The following LRTM1 variants were observed in gnomAD, a reference collection of about 807,000 sequenced individuals.
The protein encoded by LRTM1 is leucine rich repeat transmembrane protein 1.
LRTM1 carries 38 observed loss-of-function variants against 32.4 expected under a neutral mutation model. The observed-to-expected ratio is 1.17, with a 90% CI of 0.91 to 1.54. LRTM1 has a LOEUF of 1.54. LRTM1 is among the 40% of genes most tolerant of loss of function. The pLI is 0.00. For missense variants in LRTM1, 466 were observed against 415.4 expected, an observed-to-expected ratio of 1.12 and a Z score of -1.06; for synonymous variants, 186 against 169.9, an observed-to-expected ratio of 1.09 and a Z score of -0.74.
intron 1 of LRTM1, among the ~76,000 whole-genome samples, chr3:54,958,921 T>C (rs1183636060): frequency 6.6e-6 from 1 of 151,788 alleles, no homozygotes; most frequent in African/African-American, 2.4e-5. Flanking sequence ...CTGGGCAACA[T>C]GGCAAAACCC....
At chr3:54,941,048 G>A (rs752578056) in intron 1 of LRTM1, among the ~76,000 whole-genome samples, 2 of 152,290 alleles carry the variant, frequency 1.3e-5, no homozygotes, top group Non-Finnish European at 2.9e-5. Flanking sequence ...CTTTTCTCCA[G>A]TGATTAAAGC....
rs893985858 is a variant in LRTM1, at chr3:54,955,727, G to A, written c.-222+11201C>T. Reference sequence around the variant, plus strand: ...CTCTCCCCTGAGGCCTCTGTCTACCGAGGGGGCTTTTTTGGGTATTGGCCC... The same window carrying A: ...CTCTCCCCTGAGGCCTCTGTCTACCAAGGGGGCTTTTTTGGGTATTGGCCC... On this transcript the variant is annotated intron_variant, in intron 1 of 2. Transcript: ENST00000493075. Among the ~76,000 whole-genome samples, 8 of 152,206 alleles carry A rather than the reference G, an allele frequency of 5.3e-5. No individual in the cohort carries two copies. In the East Asian group the frequency reaches 9.7e-4, roughly 18 times the overall value.
intron 1 of LRTM1, among the ~76,000 whole-genome samples, chr3:54,949,585 C>T (rs189272542): frequency 6.6e-6 from 1 of 152,292 alleles, no homozygotes; most frequent in East Asian, 1.9e-4. Flanking sequence ...ACCCAAGGGG[C>T]AGCACTGGAA....
intron 1 of LRTM1, among the ~76,000 whole-genome samples, chr3:54,934,221 A>G (rs1373958122): frequency 6.6e-6 from 1 of 152,204 alleles, no homozygotes; most frequent in Non-Finnish European, 1.5e-5. Context: ...AGTTGTATTC[A>G]TTTTATGCCC....
At chr3:54,927,092 G>A (rs1701043862) in intron 1 of LRTM1, among the ~76,000 whole-genome samples, 1 of 152,180 alleles carries the variant, frequency 6.6e-6, no homozygotes, top group Admixed American at 6.5e-5. Context: ...TACTCAAAGT[G>A]GAAGCTCTTG....
In LRTM1 at chr3:54,966,743, C is replaced by T. The variant is rs138121654; in HGVS notation, c.-222+185G>A. Among the ~76,000 whole-genome samples the T allele has an allele frequency of 8.1e-4, 123 of 152,192 alleles. No individual in the cohort carries two copies. In the Middle Eastern group the frequency reaches 0.014, roughly 17 times the overall value. ...CTGAGGCATGAGAATCACTTGAACC[C>T]GGGAAGCAGAGGTTGCAGTGAGCTG... is the stretch of plus-strand genomic sequence containing the variant. On this transcript the variant is annotated intron_variant, in intron 1 of 2. Coordinates refer to the LRTM1 transcript ENST00000493075.
upstream of LRTM1, among the ~76,000 whole-genome samples, chr3:54,930,685 C>A (rs9878841): frequency 2.5e-3 from 386 of 152,358 alleles, 2 homozygotes; most frequent in African/African-American, 9.1e-3. Flanking sequence ...AAATCCCAGG[C>A]TCTCTGAGCA....
At chr3:54,928,478 G>A (rs1458461431), upstream of LRTM1, among the ~76,000 whole-genome samples, 21 of 152,274 alleles carry the variant, frequency 1.4e-4, no homozygotes, top group Non-Finnish European at 4.4e-5. Context: ...TGTGTAATAT[G>A]AGGACAAATT....
intron 1 of LRTM1, among the ~76,000 whole-genome samples, chr3:54,933,436 C>T (rs1407830288): frequency 6.6e-6 from 1 of 152,180 alleles, no homozygotes; most frequent in Non-Finnish European, 1.5e-5. Context: ...TCTTGGCTCT[C>T]AGAGCCCTCT....
At chr3:54,932,641 G>C (rs1701218253), upstream of LRTM1, among the ~76,000 whole-genome samples, 2 of 152,126 alleles carry the variant, frequency 1.3e-5, no homozygotes, top group Admixed American at 6.6e-5. Context: ...AGCCCCACAG[G>C]TAACATCTGT....
intron 1 of LRTM1, among the ~76,000 whole-genome samples, chr3:54,938,052 C>T (rs759886458): frequency 2.0e-5 from 3 of 152,154 alleles, no homozygotes; most frequent in Non-Finnish European, 2.9e-5. Flanking sequence ...TTATGAAATC[C>T]CCGTACACGT....
intron 1 of LRTM1, among the ~76,000 whole-genome samples, chr3:54,949,878 A>C (rs1042558091): frequency 3.3e-5 from 5 of 152,338 alleles, no homozygotes; most frequent in Non-Finnish European, 7.3e-5. Context: ...GGGTAGAAGT[A>C]ATTATTTTTA....
At chr3:54,959,330 G>A (rs1270131533) in intron 1 of LRTM1, among the ~76,000 whole-genome samples, 1 of 152,184 alleles carries the variant, frequency 6.6e-6, no homozygotes, top group African/African-American at 2.4e-5. Flanking sequence ...TCCCTCCAGG[G>A]AGCTGGGTGT....
intron 1 of LRTM1, among the ~76,000 whole-genome samples, chr3:54,958,542 A>G (rs767666571): frequency 3.9e-5 from 6 of 152,152 alleles, no homozygotes; most frequent in East Asian, 3.9e-4. Flanking sequence ...AGGTCTTCCA[A>G]TGTGGGGATC....
In LRTM1 at chr3:54,944,809, C is replaced by T. The variant is rs944334803; in HGVS notation, c.-221-19594G>A. Among the ~76,000 whole-genome samples the T allele has an allele frequency of 3.6e-4, 49 of 136,670 alleles. 1 individual carries two copies. Among genetic ancestry groups the T allele is most frequent in the African/African-American group, 1.5e-3 (48 of 31,144 alleles). 89.7% of individuals were successfully genotyped at this position (136,670 alleles called of 152,430 possible). A position where few individuals can be genotyped will look rare whatever the true frequency, so the allele number is the denominator to read the frequency against. Reference sequence around the variant, plus strand: ...CTGAATATATTGACTGTAGTTAGAGCTGGGGGTGTGTGTGTGTGTGTGTGT... The same window carrying T: ...CTGAATATATTGACTGTAGTTAGAGTTGGGGGTGTGTGTGTGTGTGTGTGT... On this transcript the variant is annotated intron_variant, in intron 1 of 2. Coordinates refer to the LRTM1 transcript ENST00000493075.
At chr3:54,950,102 T>C (rs1165272212) in intron 1 of LRTM1, among the ~76,000 whole-genome samples, 2 of 152,216 alleles carry the variant, frequency 1.3e-5, no homozygotes, top group Non-Finnish European at 2.9e-5. Flanking sequence ...GCGAAGTCTT[T>C]TTCTTTCAAG....
At chr3:54,919,151 C>G (rs1323607740) in intron 2 of LRTM1, among the ~76,000 whole-genome samples, 1 of 152,184 alleles carries the variant, frequency 6.6e-6, no homozygotes, top group Non-Finnish European at 1.5e-5. Context: ...TTCATGTTCT[C>G]TAAATGCTCA....
chr3:54,958,621 A>C (rs1184684104), intron 1 of LRTM1, among the ~76,000 whole-genome samples: 1 of 152,170 alleles, frequency 6.6e-6, no homozygotes, highest in African/African-American at 2.4e-5. Flanking sequence ...ATTTTCTGGA[A>C]CTAATAGCAA....
chr3:54,919,375 A>G (rs1202300750), intron 2 of LRTM1, among the ~76,000 whole-genome samples: 2 of 152,218 alleles, frequency 1.3e-5, no homozygotes, highest in African/African-American at 2.4e-5. Context: ...GTGTGTCTCA[A>G]CACTGTTCAG....
Sources: allele counts gnomAD v4.1 joint callset (sites outside exome capture counted in the v4.1 genomes callset), GRCh38; gene constraint gnomAD v4.1.1; transcripts MANE v1.5; gene names NCBI Gene and HGNC (gene_info 2026-07-23, HGNC 2026-07-21).